TMEM267: variants seen among roughly 807,000 people sequenced by gnomAD.
TMEM267 encodes the protein transmembrane protein C5orf28.
In TMEM267, 20 loss-of-function variants were observed where a neutral mutation model predicts 19.3. The ratio of observed to expected loss-of-function variants is 1.04; its 90% CI spans 0.73 to 1.51. TMEM267 has a LOEUF of 1.51. Among genes scored for constraint, TMEM267 ranks in the 40% most tolerant of loss-of-function variants. The pLI, the probability that TMEM267 is intolerant of heterozygous loss-of-function variation, is 0.00. For missense variants in TMEM267, 242 were observed against 261.9 expected (o/e 0.92, Z 0.52); for synonymous variants, 88 against 90.3 (o/e 0.97, Z 0.15).
chr5:43,479,696 G>A (rs1744647495), intron 1 of TMEM267, among the ~76,000 whole-genome samples: 1 of 152,168 alleles, frequency 6.6e-6, no homozygotes, highest in Non-Finnish European at 1.5e-5. Flanking sequence ...TTACTTTGCA[G>A]ATAACAACTA....
At chr5:43,476,443 T>G (rs6896693) in intron 1 of TMEM267, among the ~76,000 whole-genome samples, 73,110 of 149,394 alleles carry the variant, frequency 0.49, 18,621 homozygotes, top group Middle Eastern at 0.63. Flanking sequence ...CACAATTCCA[T>G]AGGTCTTTAG....
rs1446140116 is a variant in TMEM267 at position 43,465,505 on chromosome 5, CATGT to C, written c.-74-11466_-74-11463del. Among the ~76,000 whole-genome samples the C allele has an allele frequency of 3.3e-5, 5 of 152,268 alleles. No individual in the cohort carries two copies. The East Asian group carries it at 7.7e-4, about 23-fold the overall frequency. Reference sequence around the variant, plus strand: ...TATAAATCATGCAGCTATAAAGACACATGTATGTTTATTGCGGCACTATTCACAA... The same window carrying C: ...TATAAATCATGCAGCTATAAAGACACATGTTTATTGCGGCACTATTCACAA... On this transcript the variant is annotated intron_variant, in intron 1 of 2. Coordinates refer to ENST00000397080, the MANE Select transcript of TMEM267 (RefSeq NM_022483.5).
intron 1 of TMEM267, chr5:43,480,081 T>C (rs1561200134): frequency 3.7e-6 from 1 of 271,958 alleles, no homozygotes; most frequent in Non-Finnish European, 7.1e-6. Context: ...TAAATGCCCT[T>C]ATCCACTTAG....
intron 1 of TMEM267, among the ~76,000 whole-genome samples, chr5:43,458,879 T>C (rs1345616629): frequency 1.3e-5 from 2 of 151,894 alleles, no homozygotes; most frequent in Non-Finnish European, 2.9e-5. Context: ...ACATCAAAAT[T>C]AGTAAATGAG....
chr5:43,453,235 C>T (rs1354285307), intron 2 of TMEM267, among the ~76,000 whole-genome samples: 1 of 152,188 alleles, frequency 6.6e-6, no homozygotes, highest in Non-Finnish European at 1.5e-5. Context: ...TTAGGAGCTG[C>T]ATACTAACTG....
chr5:43,460,208 T>C lies in TMEM267; in HGVS notation c.-74-6165A>G, dbSNP rs565121955. On this transcript the variant is annotated intron_variant, in intron 1 of 2. Transcript: ENST00000397080. ...GATGGAGAGTGGCTGTAAACACAGA[T>C]GAAGCTTCACTTGCTAGCCTGCCGT... 5.3e-5 allele frequency among the ~76,000 whole-genome samples: 8 copies of C among 152,286 alleles called. No individual in the cohort carries two copies. The East Asian group carries it at 1.5e-3, about 29-fold the overall frequency.
intron 1 of TMEM267, among the ~76,000 whole-genome samples, chr5:43,461,426 T>C (rs1216774786): frequency 6.6e-6 from 1 of 152,082 alleles, no homozygotes; most frequent in African/African-American, 2.4e-5. Flanking sequence ...AAAGGGGACT[T>C]TGCCTTTCAC....
intron 2 of TMEM267, 79 bp downstream of exon 2, chr5:43,453,573 CTCTAGT>C: frequency 1.6e-6 from 2 of 1,224,252 alleles, no homozygotes; most frequent in Non-Finnish European, 2.3e-6. Flanking sequence ...GACAAATCCT[CTCTAGT>C]TCTAAATGAT....
At chr5:43,449,657 C>T (rs777530218) in intron 2 of TMEM267, among the ~76,000 whole-genome samples, 2 of 152,142 alleles carry the variant, frequency 1.3e-5, no homozygotes, top group Non-Finnish European at 2.9e-5. Context: ...ATTTCTCCCC[C>T]CAACAAAAGC....
chr5:43,462,467 G>T (rs896505683), intron 1 of TMEM267, among the ~76,000 whole-genome samples: 5 of 152,120 alleles, frequency 3.3e-5, no homozygotes, highest in African/African-American at 1.2e-4. Flanking sequence ...TCTTGGAAAA[G>T]AAGATATGTG....
chr5:43,458,734 A>G (rs1743093004), intron 1 of TMEM267, among the ~76,000 whole-genome samples: 1 of 152,192 alleles, frequency 6.6e-6, no homozygotes, highest in East Asian at 1.9e-4. Flanking sequence ...TGATTATAAA[A>G]CAGCAGGCTT....
At chr5:43,471,248 C>T (rs1744046862) in intron 1 of TMEM267, among the ~76,000 whole-genome samples, 1 of 151,752 alleles carries the variant, frequency 6.6e-6, no homozygotes, top group Admixed American at 6.6e-5. Context: ...TGAAAGATTT[C>T]TATAATGGAA....
At chr5:43,454,459 TAG>T (rs1742823346) in intron 1 of TMEM267, 1 of 152,626 alleles carries the variant, frequency 6.6e-6, no homozygotes, top group South Asian at 2.1e-4. Context: ...GCTCACCAAT[TAG>T]AGTTTTCCAT....
chr5:43,464,135 A>G (rs1743460928), intron 1 of TMEM267, among the ~76,000 whole-genome samples: 1 of 152,200 alleles, frequency 6.6e-6, no homozygotes, highest in Non-Finnish European at 1.5e-5. Flanking sequence ...ATGTACAAAA[A>G]TCACAAGCAT....
chr5:43,465,470 C>T (rs942166065), intron 1 of TMEM267, among the ~76,000 whole-genome samples: 5 of 152,142 alleles, frequency 3.3e-5, no homozygotes, highest in African/African-American at 9.7e-5. Context: ...TGGGTATATA[C>T]CCAAAGGATT....
intron 1 of TMEM267, among the ~76,000 whole-genome samples, chr5:43,466,507 A>T (rs1448257136): frequency 6.6e-6 from 1 of 152,246 alleles, no homozygotes; most frequent in Non-Finnish European, 1.5e-5. Context: ...AGCTAAAGGG[A>T]GAACTTCAGT....
chr5:43,483,197 T>C (rs1214194966), intron 1 of TMEM267, among the ~76,000 whole-genome samples: 6 of 152,250 alleles, frequency 3.9e-5, no homozygotes, highest in Non-Finnish European at 8.8e-5. Flanking sequence ...TGAAACTTTT[T>C]ATAGCCATCA....
rs1294633268 is a variant in TMEM267 at position 43,446,197 on chromosome 5, T to G, written c.*25A>C. On this transcript the variant is annotated 3_prime_UTR_variant, in exon 3 of 3. Coordinates refer to ENST00000397080, the MANE Select transcript of TMEM267 (RefSeq NM_022483.5). Reference sequence around the variant, plus strand: ...CTTAATTATCATCATCTGAGCCATTTGCTTCTCTAAGACTGCCGTGTACCT... The same window carrying G: ...CTTAATTATCATCATCTGAGCCATTGGCTTCTCTAAGACTGCCGTGTACCT... 1.4e-6 allele frequency: 2 copies of G among 1,463,868 alleles called. No individual in the cohort carries two copies. Among genetic ancestry groups the G allele is most frequent in the Non-Finnish European group, 1.9e-6 (2 of 1,058,104 alleles). The allele number at this position is 1,463,868 out of a possible 1,614,324, so 90.7% of individuals were successfully genotyped here.
chr5:43,477,351 G>T (rs908086681), intron 1 of TMEM267, among the ~76,000 whole-genome samples: 4 of 152,130 alleles, frequency 2.6e-5, no homozygotes, highest in Non-Finnish European at 5.9e-5. Flanking sequence ...CACTTTGGGA[G>T]GCCGAGGTGG....
Sources: gnomAD v4.1 joint callset for allele counts (sites outside exome capture counted in the v4.1 genomes callset) on GRCh38, gnomAD v4.1.1 for gene constraint, MANE v1.5 for transcripts, NCBI Gene and HGNC (gene_info 2026-07-23, HGNC 2026-07-21) for gene names.